Variants in CDH12 observed in about 807,000 individuals in gnomAD.
CDH12 encodes cadherin-12.
CDH12 carries 41 observed loss-of-function variants against 74.1 expected under a neutral mutation model. That is an observed-to-expected ratio of 0.55 (90% CI 0.43 to 0.72). The LOEUF is 0.72. Ranked by LOEUF, CDH12 falls within the 30% of genes least tolerant of loss-of-function variation. The pLI, the probability that CDH12 is intolerant of heterozygous loss-of-function variation, is 0.00. For synonymous variants in CDH12, 399 were observed against 355.0 expected, an observed-to-expected ratio of 1.12 and a Z score of -1.39; for missense variants, 945 against 977.2, an observed-to-expected ratio of 0.97 and a Z score of 0.44.
chr5:22,443,844 A>C (rs1282562778), intron 2 of CDH12, among the ~76,000 whole-genome samples: 1 of 152,098 alleles, frequency 6.6e-6, no homozygotes, highest in Non-Finnish European at 1.5e-5. Context: ...TACAACATAT[A>C]TTGTATGCAC....
rs1411471761 is a variant in CDH12 at position 22,191,900 on chromosome 5, T to C, written c.-187+20598A>G. On this transcript the variant is annotated intron_variant, in intron 4 of 14. Transcript: ENST00000382254. ...TTTAAAGAACAGATTCTTTCATATA[T>C]GTGTTCATGTATGCCAAAATTAATA... 2.6e-5 allele frequency among the ~76,000 whole-genome samples: 4 copies of C among 151,382 alleles called. No individual in the cohort carries two copies. In the East Asian group the frequency reaches 7.8e-4, roughly 29 times the overall value.
intron 1 of CDH12, among the ~76,000 whole-genome samples, chr5:22,667,644 G>C (rs1389603894): frequency 6.6e-6 from 1 of 152,106 alleles, no homozygotes; most frequent in East Asian, 1.9e-4. Context: ...GTTATAAATA[G>C]TTACCTTCTT....
chr5:22,494,313 T>TGGTGTGAGTGGGTGTGGATGTG (rs1196378254), intron 2 of CDH12, among the ~76,000 whole-genome samples: 2 of 152,138 alleles, frequency 1.3e-5, no homozygotes, highest in African/African-American at 4.8e-5. Context: ...TAAACGGTCC[T>TGGTGTGAGTGGGTGTGGATGTG]GGTGTGAGTG....
Position 21,761,626 on chromosome 5 carries a change from G to A in CDH12, c.1516-951C>T, listed in dbSNP as rs60397865. ...TGATCTTACACTGATGCTATTAAAC[G>A]TGAGATTCAGTTAAAACCCAATCTA... On this transcript the variant is annotated intron_variant, in intron 12 of 14. Transcript: ENST00000382254. 7.0e-3 allele frequency among the ~76,000 whole-genome samples: 1,072 copies of A among 152,150 alleles called. 9 individuals carry two copies. The highest frequency in any genetic ancestry group is 0.022 in the African/African-American group (925 of 41,510).
chr5:22,408,738 G>T (rs3112471), intron 2 of CDH12, among the ~76,000 whole-genome samples: 127,179 of 151,474 alleles, frequency 0.84, 53,453 homozygotes, highest in African/African-American at 0.85. Context: ...CAATATCACT[G>T]AAGTCAAAAC....
intron 3 of CDH12, among the ~76,000 whole-genome samples, chr5:22,264,973 C>T (rs981024923): frequency 8.5e-5 from 13 of 152,150 alleles, no homozygotes; most frequent in Non-Finnish European, 1.8e-4. Context: ...TTGTAAATGA[C>T]CCTCAGTTTG....
chr5:21,883,078 C>T, intron 6 of CDH12: 7 of 1,608,596 alleles, frequency 4.4e-6, no homozygotes, highest in Non-Finnish European at 6.0e-6. Context: ...AAACCTGTGA[C>T]CACCCCTGAA....
intron 4 of CDH12, among the ~76,000 whole-genome samples, chr5:22,206,551 G>A (rs1054955143): frequency 2.0e-5 from 3 of 151,836 alleles, no homozygotes; most frequent in African/African-American, 7.3e-5. Context: ...GGTTTGACTT[G>A]TGAAATCAGC....
intron 5 of CDH12, among the ~76,000 whole-genome samples, chr5:22,041,996 A>G (rs998784783): frequency 6.6e-6 from 1 of 152,192 alleles, no homozygotes; most frequent in Admixed American, 6.5e-5. Context: ...CATCGATGAC[A>G]GGAGAAACTT....
chr5:22,556,343 CTTG>C (rs889845364), intron 1 of CDH12, among the ~76,000 whole-genome samples: 3 of 152,006 alleles, frequency 2.0e-5, no homozygotes, highest in Admixed American at 2.0e-4. Context: ...AATTGTGATA[CTTG>C]TTTTTTTGGA....
intron 6 of CDH12, among the ~76,000 whole-genome samples, chr5:21,942,041 T>C (rs543845460): frequency 1.2e-3 from 182 of 152,242 alleles, no homozygotes; most frequent in African/African-American, 4.2e-3. Flanking sequence ...GTTATTTGGG[T>C]GTTCCAAATG....
intron 1 of CDH12, among the ~76,000 whole-genome samples, chr5:22,529,163 G>GTATA (rs1316928007): frequency 1.4e-5 from 1 of 69,164 alleles, no homozygotes. Context: ...ATATACACAT[G>GTATA]TGTATATATA....
chr5:21,822,144 T>C (rs1378055295), intron 8 of CDH12, among the ~76,000 whole-genome samples: 1 of 152,010 alleles, frequency 6.6e-6, no homozygotes, highest in Non-Finnish European at 1.5e-5. Context: ...ATCTACTTTA[T>C]AGATTTGTTT....
At chr5:22,737,946 T>C (rs1182316039) in intron 1 of CDH12, among the ~76,000 whole-genome samples, 1 of 152,036 alleles carries the variant, frequency 6.6e-6, no homozygotes, top group Non-Finnish European at 1.5e-5. Flanking sequence ...ATGAGACACT[T>C]TTGAGAGTGG....
chr5:21,764,153 T>A (rs1221939928), intron 12 of CDH12, among the ~76,000 whole-genome samples: 1 of 152,088 alleles, frequency 6.6e-6, no homozygotes, highest in Non-Finnish European at 1.5e-5. Flanking sequence ...GGCAGGCGGA[T>A]CACGAGGTCA....
At chr5:21,850,949 C>CTAGA (rs2149996726) in intron 7 of CDH12, among the ~76,000 whole-genome samples, 1 of 151,024 alleles carries the variant, frequency 6.6e-6, no homozygotes, top group Admixed American at 6.6e-5. Flanking sequence ...AATGTTTTGG[C>CTAGA]TAGATGGTGT....
intron 5 of CDH12, among the ~76,000 whole-genome samples, chr5:22,059,377 A>ATCTG (rs1741025248): frequency 1.2e-5 from 1 of 85,826 alleles, no homozygotes; most frequent in Non-Finnish European, 2.1e-5. Flanking sequence ...CTATCTATCT[A>ATCTG]TCTATCTATC....
chr5:22,259,273 AC>A (rs1180979811), intron 3 of CDH12, among the ~76,000 whole-genome samples: 2 of 152,144 alleles, frequency 1.3e-5, no homozygotes, highest in East Asian at 3.8e-4. Context: ...AAATATATGA[AC>A]GTTCCACATA....
intron 2 of CDH12, among the ~76,000 whole-genome samples, chr5:22,463,527 T>G (rs920102439): frequency 5.9e-5 from 9 of 152,130 alleles, no homozygotes; most frequent in African/African-American, 2.2e-4. Context: ...AAATTCCTCA[T>G]GAATAATTGT....
Sources: allele counts gnomAD v4.1 joint callset (sites outside exome capture counted in the v4.1 genomes callset), GRCh38; gene constraint gnomAD v4.1.1; transcripts MANE v1.5; gene names NCBI Gene and HGNC (gene_info 2026-07-23, HGNC 2026-07-21).